Variants in DPH6 observed in about 807,000 individuals in gnomAD.
The protein encoded by DPH6 is diphthamine biosynthesis 6, also known as diphthine--ammonia ligase.
In DPH6, 33 loss-of-function variants were observed where a neutral mutation model predicts 38.2. That is an observed-to-expected ratio of 0.86 (90% CI 0.65 to 1.15). DPH6 has a LOEUF of 1.15. Among genes scored for constraint, DPH6 ranks in the 50% most tolerant of loss-of-function variants. The probability of loss-of-function intolerance (pLI) is 0.00; values close to 1 mark genes in which losing one functional copy is unlikely to be tolerated. For synonymous variants in DPH6, 108 were observed against 103.0 expected (o/e 1.05, Z -0.30); for missense variants, 325 against 320.0 (o/e 1.02, Z -0.12).
At chr15:35,480,994 A>T (rs2054319546) in intron 3 of DPH6, among the ~76,000 whole-genome samples, 1 of 152,044 alleles carries the variant, frequency 6.6e-6, no homozygotes. Context: ...AAAAAAATCA[A>T]ACCTGAATTT....
At position 35,542,424 on chromosome 15, in the gene DPH6, G is replaced by C. The variant is rs373612094; in HGVS notation, c.107C>G (p.Ala36Gly). ...AGGCATGTACTTACCTTGGTTTTCA[G>C]CTGGTCTTAGATTTGCTAAAGCAAC... Reference protein sequence around the residue: ...QIVALANLRPAENQVGSDELD... With the variant: ...QIVALANLRPGENQVGSDELD... Residue 36 changes from alanine to glycine, a missense_variant, in exon 2 of 9, where the codon GCT (alanine) becomes GGT (glycine). Physicochemically the swap from Ala to Gly is moderately conservative, Grantham distance 60. Transcript: ENST00000256538. 3 of 1,566,134 alleles carry C rather than the reference G, an allele frequency of 1.9e-6. No individual in the cohort carries two copies. The highest frequency in any genetic ancestry group is 4.5e-5 in the East Asian group (2 of 44,156).
Position 35,386,308 on chromosome 15 carries a change from A to G in DPH6, c.568-4392T>C, listed in dbSNP as rs529913303. 4.4e-3 allele frequency among the ~76,000 whole-genome samples: 663 copies of G among 152,318 alleles called. 5 individuals carry two copies. The highest frequency in any genetic ancestry group is 0.015 in the African/African-American group (628 of 41,550). ...TTGTGAATAGTGCTGCAATAAACAT[A>G]TGTGTGCATGTGTCTTTATAGCAGC... On this transcript the variant is annotated intron_variant, in intron 6 of 8. Coordinates refer to ENST00000256538, the MANE Select transcript of DPH6 (RefSeq NM_080650.4).
intron 3 of DPH6, among the ~76,000 whole-genome samples, chr15:35,221,727 C>T (rs1195738968): frequency 2.6e-5 from 4 of 152,198 alleles, no homozygotes; most frequent in Admixed American, 2.6e-4. Context: ...TTGGCTACCC[C>T]GTTGGTATTC....
chr15:35,165,281 T>C, the DPH6 span, among the ~76,000 whole-genome samples: 2 of 151,970 alleles, frequency 1.3e-5, no homozygotes, highest in African/African-American at 4.8e-5. Context: ...TTTGTCAGAT[T>C]GAATTCTCAG....
chr15:35,513,216 A>C (rs2054799220), intron 3 of DPH6, among the ~76,000 whole-genome samples: 1 of 152,146 alleles, frequency 6.6e-6, no homozygotes, highest in African/African-American at 2.4e-5. Flanking sequence ...AATTTTGAGC[A>C]ACATCTTCAT....
intron 3 of DPH6, among the ~76,000 whole-genome samples, chr15:35,460,902 G>GT (rs2054058027): frequency 6.3e-5 from 1 of 15,860 alleles, no homozygotes; most frequent in African/African-American, 9.7e-5. Context: ...TCACAAACTG[G>GT]TAAAAAAAAA....
chr15:35,161,094 A>T, the DPH6 span, among the ~76,000 whole-genome samples: 1 of 152,064 alleles, frequency 6.6e-6, no homozygotes, highest in Non-Finnish European at 1.5e-5. Context: ...TACATATGTA[A>T]CAAACCTGCA....
chr15:35,188,460 CAT>C, the DPH6 span, among the ~76,000 whole-genome samples: 3 of 152,160 alleles, frequency 2.0e-5, no homozygotes, highest in Non-Finnish European at 4.4e-5. Context: ...AGTATGCTGA[CAT>C]ATAAAACCCC....
chr15:35,354,339 G>C (rs1191753201), intron 3 of DPH6, among the ~76,000 whole-genome samples: 1 of 152,284 alleles, frequency 6.6e-6, no homozygotes, highest in East Asian at 1.9e-4. Flanking sequence ...TGGTGAGAGA[G>C]AGCATCCCTG....
chr15:35,360,484 G>C (rs1430381807), intron 3 of DPH6, among the ~76,000 whole-genome samples: 1 of 152,194 alleles, frequency 6.6e-6, no homozygotes, highest in African/African-American at 2.4e-5. Flanking sequence ...ATGGGGGATA[G>C]AGTCAAGTCA....
chr15:35,299,278 A>G, intron 3 of DPH6: 1 of 1,053,020 alleles, frequency 9.5e-7, no homozygotes, highest in Non-Finnish European at 1.5e-6. Context: ...ACCTCGTTGT[A>G]GGTCAATGAC....
At chr15:35,285,872 G>GTTTTTTTTTTTTTGTTTTTTTTTT (rs1555391169) in intron 3 of DPH6, among the ~76,000 whole-genome samples, 2 of 52,794 alleles carry the variant, frequency 3.8e-5, no homozygotes, top group East Asian at 1.2e-3. Flanking sequence ...TTATCTTTGA[G>GTTTTTTTTTTTTTGTTTTTTTTTT]TTTTTTTTTT....
At chr15:35,541,127 AG>A (rs1427576389) in intron 2 of DPH6, among the ~76,000 whole-genome samples, 1 of 152,106 alleles carries the variant, frequency 6.6e-6, no homozygotes, top group Admixed American at 6.6e-5. Flanking sequence ...CATCAATTGC[AG>A]CACAAAATCC....
chr15:35,147,570 G>T, the DPH6 span, among the ~76,000 whole-genome samples: 2 of 152,098 alleles, frequency 1.3e-5, no homozygotes, highest in Non-Finnish European at 2.9e-5. Flanking sequence ...GGGAAATTTG[G>T]AAAGGCTTCA....
intron 3 of DPH6, among the ~76,000 whole-genome samples, chr15:35,351,853 C>G (rs2052514395): frequency 1.3e-5 from 2 of 151,728 alleles, no homozygotes; most frequent in Non-Finnish European, 2.9e-5. Context: ...TCCTGAGTAG[C>G]TAGGACCACT....
At chr15:35,411,821 T>C (rs905450892) in intron 5 of DPH6, among the ~76,000 whole-genome samples, 1 of 151,618 alleles carries the variant, frequency 6.6e-6, no homozygotes, top group Non-Finnish European at 1.5e-5. Flanking sequence ...TGCAAAAAAA[T>C]GGATCTAGAC....
chr15:35,179,513 C>G, the DPH6 span, among the ~76,000 whole-genome samples: 2 of 152,004 alleles, frequency 1.3e-5, no homozygotes, highest in Non-Finnish European at 2.9e-5. Flanking sequence ...AGAACATTTA[C>G]TTGTAAGGAA....
chr15:35,433,570 T>C (rs187905054), intron 5 of DPH6, among the ~76,000 whole-genome samples: 2 of 152,350 alleles, frequency 1.3e-5, no homozygotes, highest in Admixed American at 1.3e-4. Context: ...TCACAATTAC[T>C]AAATTCTTCC....
intron 7 of DPH6, among the ~76,000 whole-genome samples, chr15:35,374,824 GA>G (rs779894192): frequency 1.2e-4 from 18 of 152,076 alleles, no homozygotes; most frequent in Admixed American, 2.6e-4. Context: ...GCAGCAGAAA[GA>G]GAAAGTACAG....
Sources: allele counts gnomAD v4.1 joint callset (sites outside exome capture counted in the v4.1 genomes callset), GRCh38; gene constraint gnomAD v4.1.1; transcripts MANE v1.5; gene names NCBI Gene and HGNC (gene_info 2026-07-23, HGNC 2026-07-21).